APLF: variants seen among roughly 807,000 people sequenced by gnomAD.
APLF encodes aprataxin and PNKP like factor, also known as aprataxin and PNK-like factor.
A neutral mutation model predicts 55.6 loss-of-function variants in APLF; 61 were observed. The observed-to-expected ratio is 1.10, with a 90% CI of 0.89 to 1.36. The LOEUF is 1.36. APLF is among the 40% of genes most tolerant of loss of function. The pLI is 0.00. For synonymous variants in APLF, 207 were observed against 214.8 expected (o/e 0.96, Z 0.32); for missense variants, 611 against 602.5 (o/e 1.01, Z -0.15).
chr2:68,526,284 G>C (rs754681879), intron 6 of APLF, 42 bp downstream of exon 6: 1 of 1,569,386 alleles, frequency 6.4e-7, no homozygotes, highest in East Asian at 2.2e-5. Context: ...TTTTTGTTAG[G>C]TGTTTTAGAT....
At chr2:68,540,099 C>A (rs771155616) in intron 7 of APLF, among the ~76,000 whole-genome samples, 47 of 152,008 alleles carry the variant, frequency 3.1e-4, no homozygotes, top group Admixed American at 1.0e-3. Context: ...ACCCATCAAC[C>A]CATCATCTAG....
chr2:68,568,267 C>T (rs1440399323), intron 9 of APLF: 1 of 985,164 alleles, frequency 1.0e-6, no homozygotes, highest in Non-Finnish European at 1.2e-6. Context: ...TTTCTGCTCA[C>T]AGAATGAGAA....
chr2:68,520,489 G>T (rs746007200), intron 5 of APLF, among the ~76,000 whole-genome samples: 1 of 151,922 alleles, frequency 6.6e-6, no homozygotes, highest in Non-Finnish European at 1.5e-5. Flanking sequence ...GTTGATTTTT[G>T]TATAAGGTGA....
intron 2 of APLF, among the ~76,000 whole-genome samples, chr2:68,499,526 A>G (rs1237784895): frequency 6.6e-6 from 1 of 152,114 alleles, no homozygotes; most frequent in Non-Finnish European, 1.5e-5. Context: ...GTCCAATTCA[A>G]TCTCCTTTCT....
intron 1 of APLF, among the ~76,000 whole-genome samples, chr2:68,469,526 A>G (rs1675551568): frequency 6.6e-6 from 1 of 152,238 alleles, no homozygotes. Context: ...TCCTTTTGAA[A>G]TAACATTCAG....
chr2:68,529,372 G>C lies in APLF; in HGVS notation c.804+3130G>C. 7.7e-7 allele frequency: 1 copy of C among 1,300,156 alleles called. No homozygotes were observed. Among genetic ancestry groups the C allele is most frequent in the South Asian group, 2.3e-5 (1 of 43,258 alleles). 80.5% of individuals were successfully genotyped at this position (1,300,156 alleles called of 1,614,324 possible). A position where few individuals can be genotyped will look rare whatever the true frequency, so the allele number is the denominator to read the frequency against. ...CCGCGGGGTGAGCCCGGCCAGCTGG[G>C]AAGGCCTCACGGACAAGACGAGCAG... On this transcript the variant is annotated intron_variant, in intron 6 of 9. Transcript: ENST00000303795. The surrounding 1 kb of genome is among the most constrained non-coding windows in gnomAD (Gnocchi z 4.4).
intron 5 of APLF, among the ~76,000 whole-genome samples, chr2:68,525,838 C>A (rs1488042326): frequency 1.4e-5 from 2 of 144,232 alleles, no homozygotes; most frequent in Non-Finnish European, 3.0e-5. Flanking sequence ...CAACCTCCAC[C>A]TCCTGGGTTC....
intron 1 of APLF, among the ~76,000 whole-genome samples, chr2:68,485,791 G>C (rs1057252649): frequency 3.3e-5 from 5 of 149,956 alleles, no homozygotes; most frequent in African/African-American, 9.9e-5. Flanking sequence ...GATTCATATG[G>C]AATCTTTTTT....
rs1229659670 is a variant in APLF, at chr2:68,518,891, A to G, written c.622+5211A>G. ...TAATATGTAATAAAATATTAATATT[A>G]TATCATTAATATATAATAAAATAAT... On this transcript the variant is annotated intron_variant, in intron 5 of 9. Coordinates refer to ENST00000303795, the MANE Select transcript of APLF (RefSeq NM_173545.3). Among the ~76,000 whole-genome samples, 881 of 126,086 alleles carry G rather than the reference A, an allele frequency of 7.0e-3. 14 individuals carry two copies. The highest frequency in any genetic ancestry group is 1.0e-2 in the Non-Finnish European group (642 of 64,232). The allele number at this position is 126,086 out of a possible 152,430, so 82.7% of individuals were successfully genotyped here. A position where few individuals can be genotyped will look rare whatever the true frequency, so the allele number is the denominator to read the frequency against.
At chr2:68,515,566 G>T (rs994549463) in intron 5 of APLF, 4 of 982,806 alleles carry the variant, frequency 4.1e-6, no homozygotes, top group Non-Finnish European at 4.8e-6. Flanking sequence ...TTTCAAATAC[G>T]TTTTCTTTCC....
chr2:68,523,153 T>C (rs1669940607), intron 5 of APLF, among the ~76,000 whole-genome samples: 1 of 151,950 alleles, frequency 6.6e-6, no homozygotes, highest in African/African-American at 2.4e-5. Flanking sequence ...AAGATAAAAC[T>C]CAGTAGAAAT....
intron 1 of APLF, among the ~76,000 whole-genome samples, chr2:68,483,717 A>C (rs910619430): frequency 2.6e-5 from 4 of 152,172 alleles, no homozygotes; most frequent in African/African-American, 9.7e-5. Context: ...CCTGTGTACT[A>C]TATTTGTACT....
intron 1 of APLF, among the ~76,000 whole-genome samples, chr2:68,485,375 T>G (rs898357710): frequency 3.3e-5 from 5 of 152,150 alleles, no homozygotes; most frequent in Non-Finnish European, 7.4e-5. Flanking sequence ...ATTAAACATT[T>G]TTGTTGAAAA....
At chr2:68,527,493 A>T (rs2103985308) in intron 6 of APLF, among the ~76,000 whole-genome samples, 1 of 117,416 alleles carries the variant, frequency 8.5e-6, no homozygotes, top group Admixed American at 8.7e-5. Flanking sequence ...CTCAATTCCC[A>T]GATGGTGGGC....
At chr2:68,477,949 C>A (rs924401297) in intron 1 of APLF, among the ~76,000 whole-genome samples, 2 of 150,896 alleles carry the variant, frequency 1.3e-5, no homozygotes, top group East Asian at 3.9e-4. Flanking sequence ...GGGATTGTTA[C>A]AATACAAGGT....
chr2:68,568,301 T>G, intron 9 of APLF: 3 of 985,378 alleles, frequency 3.0e-6, no homozygotes, highest in Non-Finnish European at 3.6e-6. Context: ...CTATCCAGGC[T>G]GCACTCACTT....
In APLF at chr2:68,467,722, C is replaced by G. The variant is rs1304632606; in HGVS notation, c.-10C>G. The G allele has an allele frequency of 2.4e-6, 3 of 1,234,696 alleles. No homozygotes were observed. The highest frequency in any genetic ancestry group is 2.0e-6 in the Non-Finnish European group (2 of 987,964). 76.5% of individuals were successfully genotyped at this position (1,234,696 alleles called of 1,614,324 possible). ...AGTCTCCTGGCGAAGGGGCCTAATC[C>G]TTGCCCGCCATGTCCGGGGGCTTCG... On this transcript the variant is annotated 5_prime_UTR_variant, in exon 1 of 10. Transcript: ENST00000303795.
At chr2:68,572,013 C>G (rs933514831) in intron 9 of APLF, among the ~76,000 whole-genome samples, 2 of 152,034 alleles carry the variant, frequency 1.3e-5, no homozygotes, top group Non-Finnish European at 2.9e-5. Flanking sequence ...TAAGGTTTCT[C>G]TATTTCTACA....
chr2:68,510,204 A>C (rs1428940446), intron 3 of APLF, among the ~76,000 whole-genome samples: 2 of 151,988 alleles, frequency 1.3e-5, no homozygotes, highest in Non-Finnish European at 2.9e-5. Context: ...GTACCCTAGA[A>C]CTTAAAGTAT....
Sources: allele counts gnomAD v4.1 joint callset (sites outside exome capture counted in the v4.1 genomes callset), GRCh38; gene constraint gnomAD v4.1.1; non-coding constraint Gnocchi (gnomAD v3.1); transcripts MANE v1.5; gene names NCBI Gene and HGNC (gene_info 2026-07-23, HGNC 2026-07-21).